Variants in FA2H observed in about 807,000 individuals in gnomAD.
The protein encoded by FA2H is fatty acid 2-hydroxylase.
FA2H carries 22 observed loss-of-function variants against 44.9 expected under a neutral mutation model. That is an observed-to-expected ratio of 0.49 (90% CI 0.35 to 0.70). The LOEUF is 0.70. Among genes scored for constraint, FA2H ranks in the 30% least tolerant of loss-of-function variants. The pLI, the probability that FA2H is intolerant of heterozygous loss-of-function variation, is 0.01. For synonymous variants in FA2H, 243 were observed against 213.2 expected (o/e 1.14, Z -1.22); for missense variants, 501 against 504.9 (o/e 0.99, Z 0.07).
rs116372434 is a variant in FA2H, at chr16:74,718,750, C to T, written c.786+238G>A. On this transcript the variant is annotated intron_variant, in intron 5 of 6. Transcript: ENST00000219368. ...GTTGTTTTGAGGATTAAAGGTGATG[C>T]GTAAACAAGGGTGCAGAGGGCCTGG... Among the ~76,000 whole-genome samples, 1,059 of 152,328 alleles carry T rather than the reference C, an allele frequency of 7.0e-3. 14 individuals are homozygous for T. Among genetic ancestry groups the T allele is most frequent in the African/African-American group, 0.024 (999 of 41,574 alleles).
At chr16:74,722,826 G>A (rs1258464246) in intron 4 of FA2H, among the ~76,000 whole-genome samples, 3 of 149,562 alleles carry the variant, frequency 2.0e-5, no homozygotes, top group African/African-American at 4.9e-5. Context: ...CAGGAGAATC[G>A]CTTGAACCCG....
intron 1 of FA2H, among the ~76,000 whole-genome samples, chr16:74,769,683 C>T (rs1221893798): frequency 6.6e-6 from 1 of 152,166 alleles, no homozygotes; most frequent in East Asian, 1.9e-4. Flanking sequence ...GACCTAAAGT[C>T]CTTTCCTTGT....
chr16:74,716,266 C>T (rs996798030), intron 6 of FA2H, 81 bp downstream of exon 6: 9 of 1,519,518 alleles, frequency 5.9e-6, no homozygotes, highest in South Asian at 2.4e-5. Context: ...AGTGCCTTGC[C>T]GTTCCCAGGA....
intron 2 of FA2H, among the ~76,000 whole-genome samples, chr16:74,736,456 C>A (rs1962182499): frequency 6.6e-6 from 1 of 152,132 alleles, no homozygotes; most frequent in Non-Finnish European, 1.5e-5. Context: ...GATCTGGATG[C>A]TATCTTCCTG....
intron 1 of FA2H, among the ~76,000 whole-genome samples, chr16:74,745,907 G>A (rs1201965062): frequency 4.0e-5 from 6 of 149,254 alleles, no homozygotes; most frequent in African/African-American, 1.5e-4. Context: ...CTGAGTTCAA[G>A]CAATTCTCCT....
At chr16:74,753,810 CA>C (rs1962569411) in intron 1 of FA2H, among the ~76,000 whole-genome samples, 1 of 152,218 alleles carries the variant, frequency 6.6e-6, no homozygotes, top group African/African-American at 2.4e-5. Flanking sequence ...TCCGGAGTCA[CA>C]AAGGGTATTT....
At chr16:74,745,748 C>A (rs924003513) in intron 1 of FA2H, among the ~76,000 whole-genome samples, 1 of 151,706 alleles carries the variant, frequency 6.6e-6, no homozygotes, top group Non-Finnish European at 1.5e-5. Context: ...GGCGTTATTT[C>A]CTCTCTGGTC....
At chr16:74,731,481 A>G (rs1962070463) in intron 2 of FA2H, among the ~76,000 whole-genome samples, 2 of 152,006 alleles carry the variant, frequency 1.3e-5, no homozygotes, top group African/African-American at 4.8e-5. Flanking sequence ...ATCTATTTAC[A>G]TTTAATGTTG....
Position 74,719,009 on chromosome 16 carries a change from G to A in FA2H, c.765C>T (p.Val255=). 1.2e-6 allele frequency: 2 copies of A among 1,613,954 alleles called. No homozygotes were observed. Among genetic ancestry groups the A allele is most frequent in the Middle Eastern group, 3.3e-4 (2 of 6,062 alleles). ...DSYYLIMLHF[V]MHGQHHKAPF... is the part of the protein sequence containing the mutation. ...TCACCTTGTGGTGCTGGCCGTGCAT[G>A]ACGAAGTGCAGCATGATGAGGTAAT... Residue 255 remains valine, a synonymous_variant, in exon 5 of 7, where the codon GTC becomes GTT. Transcript: ENST00000219368.
chr16:74,760,644 C>A (rs1962691464), intron 1 of FA2H, among the ~76,000 whole-genome samples: 1 of 152,158 alleles, frequency 6.6e-6, no homozygotes, highest in African/African-American at 2.4e-5. Context: ...CTCACGTCAT[C>A]CTAGAAGACA....
chr16:74,766,620 G>T (rs947318009), intron 1 of FA2H, among the ~76,000 whole-genome samples: 5 of 149,448 alleles, frequency 3.3e-5, no homozygotes, highest in Non-Finnish European at 5.9e-5. Context: ...GAAGTGAGGG[G>T]AATGTTCCAG....
chr16:74,773,982 A>T (rs1249598909), intron 1 of FA2H, among the ~76,000 whole-genome samples: 1 of 152,212 alleles, frequency 6.6e-6, no homozygotes, highest in Admixed American at 6.5e-5. Flanking sequence ...GGCACCAGGA[A>T]ACCCAAGCTA....
intron 1 of FA2H, among the ~76,000 whole-genome samples, chr16:74,774,162 G>A (rs1003647478): frequency 6.6e-6 from 1 of 152,136 alleles, no homozygotes; most frequent in Non-Finnish European, 1.5e-5. Context: ...GCTGGGGACA[G>A]AAACGGGAAT....
intron 4 of FA2H, 86 bp downstream of exon 4, chr16:74,726,139 C>G (rs1961948273): frequency 1.1e-6 from 1 of 881,962 alleles, no homozygotes; most frequent in Non-Finnish European, 1.9e-6. Context: ...GGGTTCTGTG[C>G]TCTCAGAAAC....
rs143665586 is a variant in FA2H at position 74,750,233 on chromosome 16, G to A, written c.271-10118C>T. Among the ~76,000 whole-genome samples the A allele has an allele frequency of 3.1e-3, 473 of 152,216 alleles. 2 individuals carry two copies. Among genetic ancestry groups the A allele is most frequent in the African/African-American group, 0.01 (435 of 41,532 alleles). Reference sequence around the variant, plus strand: ...CATTCCACAAGGAAAATACACGTACGACACCTAAAATATATTATCTCCTCA... The same window carrying A: ...CATTCCACAAGGAAAATACACGTACAACACCTAAAATATATTATCTCCTCA... On this transcript the variant is annotated intron_variant, in intron 1 of 6. Transcript: ENST00000219368.
chr16:74,741,808 A>ATGTGTGTGTGTGTGTG (rs1208446986), intron 1 of FA2H, among the ~76,000 whole-genome samples: 5 of 48,416 alleles, frequency 1.0e-4, no homozygotes, highest in African/African-American at 5.4e-4. Flanking sequence ...ATATATATAT[A>ATGTGTGTGTGTGTGTG]TGTGTGTGTG....
At chr16:74,773,520 A>C (rs1962947281) in intron 1 of FA2H, among the ~76,000 whole-genome samples, 1 of 152,168 alleles carries the variant, frequency 6.6e-6, no homozygotes, top group Admixed American at 6.5e-5. Context: ...GGGGAACATC[A>C]AGAGAGTCGC....
At chr16:74,737,678 C>G (rs752159301) in intron 2 of FA2H, among the ~76,000 whole-genome samples, 1 of 152,196 alleles carries the variant, frequency 6.6e-6, no homozygotes, top group Non-Finnish European at 1.5e-5. Flanking sequence ...GCAGCAATCA[C>G]AGTACTGAGC....
intron 5 of FA2H, among the ~76,000 whole-genome samples, chr16:74,718,505 G>A (rs753423291): frequency 2.0e-5 from 3 of 152,182 alleles, no homozygotes; most frequent in Non-Finnish European, 2.9e-5. Flanking sequence ...AATGGGGTAC[G>A]ACATCCTGGC....
Sources: gnomAD v4.1 joint callset for allele counts (sites outside exome capture counted in the v4.1 genomes callset) on GRCh38, gnomAD v4.1.1 for gene constraint, MANE v1.5 for transcripts, NCBI Gene and HGNC (gene_info 2026-07-23, HGNC 2026-07-21) for gene names.